ATG9A: variants seen among roughly 807,000 people sequenced by gnomAD.
ATG9A encodes autophagy-related protein 9A.
In ATG9A, 21 loss-of-function variants were observed where a neutral mutation model predicts 87.1. The observed-to-expected ratio is 0.24, with a 90% CI of 0.17 to 0.35. The LOEUF (loss-of-function observed/expected upper bound fraction) is 0.35. Among genes scored for constraint, ATG9A ranks in the 10% least tolerant of loss-of-function variants. The pLI, the probability that ATG9A is intolerant of heterozygous loss-of-function variation, is 1.00. For synonymous variants in ATG9A, 422 were observed against 441.3 expected (o/e 0.96, Z 0.55); for missense variants, 836 against 1,107.3 (o/e 0.76, Z 3.48).
rs918700226 is a variant in ATG9A at position 219,222,320 on chromosome 2, G to A, written c.1979C>T (p.Pro660Leu). 6.2e-7 allele frequency: 1 copy of A among 1,613,380 alleles called. No homozygotes were observed. Among genetic ancestry groups the A allele is most frequent in the Non-Finnish European group, 8.5e-7 (1 of 1,180,038 alleles). ...AGCCCGGCCTGTGGGCGCCTGCCCG[G>A]GTTGCAGCGGGGAGAAGGAGCGCAG... Reference protein sequence around the residue: ...SALRSFSPLQPGQAPTGRAHS... With the variant: ...SALRSFSPLQLGQAPTGRAHS... Residue 660 changes from proline to leucine, a missense_variant, in exon 12 of 16, where the codon CCC (proline) becomes CTC (leucine). By Grantham distance (98) the Pro-to-Leu change is moderately conservative. Around this residue, in one of 2 missense-constraint regions of ATG9A, gnomAD observed 324 missense variants for 347.6 expected, o/e 0.93. Coordinates refer to ENST00000361242, the MANE Select transcript of ATG9A (RefSeq NM_001077198.3). This position sits in a 1 kb window ranked among gnomAD's most constrained non-coding sequence, Gnocchi z 4.3.
chr2:219,227,085 ATGG>A (rs1374320390), intron 4 of ATG9A, 152 bp from the exon 5 acceptor site: 25 of 670,846 alleles, frequency 3.7e-5, no homozygotes, highest in Non-Finnish European at 5.4e-5. Context: ...TTGTCTGTCC[ATGG>A]TGGTACATTA....
At chr2:219,226,530 CA>C (rs34025051) in intron 5 of ATG9A, among the ~76,000 whole-genome samples, 116,654 of 151,440 alleles carry the variant, frequency 0.77, 47,800 homozygotes, top group Non-Finnish European at 0.9. Flanking sequence ...ACTAAAAATA[CA>C]AAAAAAATTA....
At position 219,220,905 on chromosome 2, in the gene ATG9A, G is replaced by T; in HGVS notation, c.2369-13C>A. 1 of 1,612,712 alleles carries T rather than the reference G, an allele frequency of 6.2e-7. No individual in the cohort carries two copies. ...ACTGTGCCAGGATCTGGAGAGACAA[G>T]TAAGAGTAAGCATACTCATAGAAGG... is the stretch of plus-strand genomic sequence containing the variant. On this transcript the variant is annotated splice_polypyrimidine_tract_variant and intron_variant, in intron 14 of 15. Transcript: ENST00000361242.
rs1175021456 is a variant in ATG9A, at chr2:219,219,708, AG to A, written c.*738del. 3.9e-5 allele frequency: 6 copies of A among 152,562 alleles called. No homozygotes were observed. In the East Asian group the frequency reaches 5.8e-4, roughly 15 times the overall value. 9.5% of individuals were successfully genotyped at this position (152,562 alleles called of 1,614,324 possible). ...GTACGATAAGCAGCAATGAGGGCCCAGGAAGACCTCAGTCTCCTGGGGGCCC... is the reference window on the plus strand; with the variant it reads ...GTACGATAAGCAGCAATGAGGGCCCAGAAGACCTCAGTCTCCTGGGGGCCC... On this transcript the variant is annotated 3_prime_UTR_variant, in exon 16 of 16. Transcript: ENST00000361242.
rs758395208 is a variant in ATG9A, at chr2:219,227,727, C to T, written c.147+43G>A. On this transcript the variant is annotated intron_variant, in intron 4 of 15. Transcript: ENST00000361242. ...CCACCAGAGCCCCGGCTTAGAGAGA[C>T]ATTAAAGGTCCCAGAGCTCCAACTC... 5 of 1,605,008 alleles carry T rather than the reference C, an allele frequency of 3.1e-6. No homozygotes were observed. The East Asian group carries it at 8.9e-5, about 29-fold the overall frequency.
Position 219,224,427 on chromosome 2 carries a change from C to A in ATG9A, c.944G>T (p.Ser315Ile), listed in dbSNP as rs564912563. ...CTCCCGCTTCAGCACCTCAGCATAGCTGAAGAAGGCATAGAGGATTTGCCA... is the reference window on the plus strand; with the variant it reads ...CTCCCGCTTCAGCACCTCAGCATAGATGAAGAAGGCATAGAGGATTTGCCA... The part of the protein sequence containing the change: ...LIWQILYAFF[S>I]YAEVLKREPG... The change falls in exon 8 of 16, where the codon AGC becomes ATC. Residue 315 changes from serine to isoleucine, a missense_variant. By Grantham distance (142) the Ser-to-Ile change is moderately radical. Transcript: ENST00000361242. The surrounding 1 kb of genome is among the most constrained non-coding windows in gnomAD (Gnocchi z 7.7). The A allele has an allele frequency of 6.2e-7, 1 of 1,614,090 alleles. No individual in the cohort carries two copies. Among genetic ancestry groups the A allele is most frequent in the Non-Finnish European group, 8.5e-7 (1 of 1,180,022 alleles).
In ATG9A at chr2:219,222,517, C is replaced by G. The variant is rs766359813; in HGVS notation, c.1849-67G>C. The G allele has an allele frequency of 3.0e-5, 47 of 1,556,110 alleles. No homozygotes were observed. Among genetic ancestry groups the G allele is most frequent in the Non-Finnish European group, 4.0e-5 (46 of 1,150,164 alleles). ...AAGGTCTCTGGGGTCCCCTAGTATTCTGTATCTCAGGCCCCAGTGGCACAT... is the reference window on the plus strand; with the variant it reads ...AAGGTCTCTGGGGTCCCCTAGTATTGTGTATCTCAGGCCCCAGTGGCACAT... On this transcript the variant is annotated intron_variant, in intron 11 of 15. Coordinates refer to ENST00000361242, the MANE Select transcript of ATG9A (RefSeq NM_001077198.3). This position sits in a 1 kb window ranked among gnomAD's most constrained non-coding sequence, Gnocchi z 4.3.
Position 219,223,005 on chromosome 2 carries a change from G to T in ATG9A, c.1600-112C>A. 1 of 1,404,690 alleles carries T rather than the reference G, an allele frequency of 7.1e-7. No individual in the cohort carries two copies. Among genetic ancestry groups the T allele is most frequent in the Non-Finnish European group, 9.6e-7 (1 of 1,040,576 alleles). The allele number at this position is 1,404,690 out of a possible 1,614,324, so 87.0% of individuals were successfully genotyped here. On this transcript the variant is annotated intron_variant, in intron 10 of 15. Transcript: ENST00000361242. The surrounding 1 kb of genome is among the most constrained non-coding windows in gnomAD (Gnocchi z 4.7). ...TGGAGAACGGAGACCACAGTATACTGTCAATCTTTCCCAGGGCACTGGTGC... is the reference window on the plus strand; with the variant it reads ...TGGAGAACGGAGACCACAGTATACTTTCAATCTTTCCCAGGGCACTGGTGC...
chr2:219,224,588 A>G lies in ATG9A; in HGVS notation c.783T>C (p.Ser261=), dbSNP rs778770465. ...TGAGGCTCCATTCATTGAGAAACAG[A>G]GAGCCAGGTCCCCAGAAGAGGATCA... is the stretch of plus-strand genomic sequence containing the variant. ...FELILFWGPG[S]LFLNEWSLKA... The change falls in exon 8 of 16, where the codon TCT becomes TCC. Residue 261 remains serine, a synonymous_variant. Coordinates refer to ENST00000361242, the MANE Select transcript of ATG9A (RefSeq NM_001077198.3). This position sits in a 1 kb window ranked among gnomAD's most constrained non-coding sequence, Gnocchi z 7.7. 13 of 1,614,056 alleles carry G rather than the reference A, an allele frequency of 8.1e-6. No homozygotes were observed. The Admixed American group carries it at 1.2e-4, about 14-fold the overall frequency.
chr2:219,222,320 G>C lies in ATG9A; in HGVS notation c.1979C>G (p.Pro660Arg). The C allele has an allele frequency of 6.2e-7, 1 of 1,613,380 alleles. No homozygotes were observed. The highest frequency in any genetic ancestry group is 1.1e-5 in the South Asian group (1 of 91,078). ...AGCCCGGCCTGTGGGCGCCTGCCCG[G>C]GTTGCAGCGGGGAGAAGGAGCGCAG... ...SALRSFSPLQ[P>R]GQAPTGRAHS... The change falls in exon 12 of 16, where the codon CCC (proline) becomes CGC (arginine). Residue 660 changes from proline (P) to arginine (R), a missense_variant. Transcript: ENST00000361242. This position sits in a 1 kb window ranked among gnomAD's most constrained non-coding sequence, Gnocchi z 4.3.
chr2:219,223,887 C>G lies in ATG9A; in HGVS notation c.1401G>C (p.Gln467His), dbSNP rs767279890. 1 of 1,614,160 alleles carries G rather than the reference C, an allele frequency of 6.2e-7. No individual in the cohort carries two copies. The highest frequency in any genetic ancestry group is 8.5e-7 in the Non-Finnish European group (1 of 1,180,032). The part of the protein sequence containing the change: ...HRSQTRDEFA[Q>H]LFQYKAVFIL... ...CACTCACTGCCTTGTACTGGAAGAG[C>G]TGGGCAAACTCGTCCCGGGTCTGCG... Residue 467 changes from glutamine (Q) to histidine (H), a missense_variant, in exon 9 of 16, where the codon CAG becomes CAC. By Grantham distance (24) the Gln-to-His change is conservative. Coordinates refer to ENST00000361242, the MANE Select transcript of ATG9A (RefSeq NM_001077198.3). The surrounding 1 kb of genome is among the most constrained non-coding windows in gnomAD (Gnocchi z 4.7).
At position 219,219,497 on chromosome 2, in the gene ATG9A, T is replaced by A. The variant is rs1252670692; in HGVS notation, c.*950A>T. 1 of 152,582 alleles carries A rather than the reference T, an allele frequency of 6.6e-6. No individual in the cohort carries two copies. Among genetic ancestry groups the A allele is most frequent in the Non-Finnish European group, 1.5e-5 (1 of 68,098 alleles). The allele number at this position is 152,582 out of a possible 1,614,324, so 9.5% of individuals were successfully genotyped here. A position where few individuals can be genotyped will look rare whatever the true frequency, so the allele number is the denominator to read the frequency against. ...CTCCCAAAGCCGGACCACAGCTGGGTGAGGGGTGGGACAGAGAGTAGGAGC... is the reference window on the plus strand; with the variant it reads ...CTCCCAAAGCCGGACCACAGCTGGGAGAGGGGTGGGACAGAGAGTAGGAGC... On this transcript the variant is annotated 3_prime_UTR_variant, in exon 16 of 16. Coordinates refer to ENST00000361242, the MANE Select transcript of ATG9A (RefSeq NM_001077198.3).
intron 5 of ATG9A, 91 bp downstream of exon 5, chr2:219,226,778 G>A (rs1415720839): frequency 3.3e-6 from 4 of 1,200,610 alleles, no homozygotes; most frequent in Non-Finnish European, 5.0e-6. Context: ...GGACTGAGTT[G>A]TACTGGCAGG....
In ATG9A at chr2:219,227,970, G is replaced by A. The variant is rs1276938510; in HGVS notation, c.55C>T (p.Pro19Ser). 5 of 1,614,070 alleles carry A rather than the reference G, an allele frequency of 3.1e-6. No homozygotes were observed. The highest frequency in any genetic ancestry group is 1.1e-5 in the South Asian group (1 of 91,088). ...QRLEASYSDS[P>S]PGEEDLLVHV... ...ACCAACAGGTCCTCCTCCCCTGGGGGTGAATCACTATAGGAGGCCTCTAGG... is the reference window on the plus strand; with the variant it reads ...ACCAACAGGTCCTCCTCCCCTGGGGATGAATCACTATAGGAGGCCTCTAGG... Residue 19 changes from proline to serine, a missense_variant, in exon 3 of 16, where the codon CCC becomes TCC. By Grantham distance (74) the Pro-to-Ser change is moderately conservative. Transcript: ENST00000361242.
Position 219,222,733 on chromosome 2 carries a change from T to C in ATG9A, c.1760A>G (p.Asp587Gly). 6.2e-7 allele frequency: 1 copy of C among 1,614,192 alleles called. No individual in the cohort carries two copies. The highest frequency in any genetic ancestry group is 8.5e-7 in the Non-Finnish European group (1 of 1,180,034). Residue 587 changes from aspartate (D) to glycine (G), a missense_variant, in exon 11 of 16, where the codon GAT (aspartate) becomes GGT (glycine). By Grantham distance (94) the Asp-to-Gly change is moderately conservative. Around this residue, in one of 2 missense-constraint regions of ATG9A, gnomAD observed 324 missense variants for 347.6 expected, o/e 0.93. Transcript: ENST00000361242. This position sits in a 1 kb window ranked among gnomAD's most constrained non-coding sequence, Gnocchi z 4.3. ...TTGGGCGAGGCTAGCAGCTGCTCCA[T>C]CCCGCTGAACCTGCTCCTTGAGGAA... The part of the protein sequence containing the change: ...LGFLKEQVQR[D>G]GAAASLAQGG...
In ATG9A at chr2:219,223,242, C is replaced by CA. The variant is rs1423910863; in HGVS notation, c.1599+342dup. On this transcript the variant is annotated intron_variant, in intron 10 of 15. Coordinates refer to ENST00000361242, the MANE Select transcript of ATG9A (RefSeq NM_001077198.3). This position sits in a 1 kb window ranked among gnomAD's most constrained non-coding sequence, Gnocchi z 4.7. ...AGCTGGGACTACAGGCGCCCGCTAC[C>CA]ACGCCTGGCTAATTTTTTTGTATTT... 2.6e-5 allele frequency among the ~76,000 whole-genome samples: 4 copies of CA among 152,136 alleles called. No individual in the cohort carries two copies. Among genetic ancestry groups the CA allele is most frequent in the Admixed American group, 2.6e-4 (4 of 15,272 alleles).
At position 219,220,813 on chromosome 2, in the gene ATG9A, T is replaced by G. The variant is rs375633939; in HGVS notation, c.2448A>C (p.Ala816=). Residue 816 remains alanine (A), a synonymous_variant, in exon 15 of 16, where the codon GCA becomes GCC. Transcript: ENST00000361242. ...CGGGCACGGGCTCAGGGTGCCTTGA[T>G]GCCGACTGCCCATCTTCTGCCCACC... is the stretch of plus-strand genomic sequence containing the variant. ...LGGWAEDGQS[A]SRHPEPVPEE... 115 of 1,613,474 alleles carry G rather than the reference T, an allele frequency of 7.1e-5. 1 individual carries two copies. The African/African-American group carries it at 1.3e-3, about 18-fold the overall frequency.
At chr2:219,227,546 G>C (rs1483865769) in intron 4 of ATG9A, among the ~76,000 whole-genome samples, 1 of 152,044 alleles carries the variant, frequency 6.6e-6, no homozygotes. Flanking sequence ...CCTTAGAAAG[G>C]CTTCTACAAA....
chr2:219,225,006 G>A, intron 7 of ATG9A, 65 bp downstream of exon 7: 2 of 1,599,618 alleles, frequency 1.3e-6, no homozygotes, highest in Admixed American at 1.7e-5. Context: ...TGATGCCCAG[G>A]AATACACCCA....
Sources: allele counts gnomAD v4.1 joint callset (sites outside exome capture counted in the v4.1 genomes callset), GRCh38; gene constraint gnomAD v4.1.1; regional missense constraint gnomAD v4.1.1; non-coding constraint Gnocchi (gnomAD v3.1); transcripts MANE v1.5; gene names NCBI Gene and HGNC (gene_info 2026-07-23, HGNC 2026-07-21).